BAAT: variants seen among roughly 807,000 people sequenced by gnomAD.
BAAT encodes bile acid CoA: amino acid N-acyltransferase (glycine N-choloyltransferase).
In BAAT, 13 loss-of-function variants were observed where a neutral mutation model predicts 18.9. That is an observed-to-expected ratio of 0.69 (90% CI 0.45 to 1.10). The LOEUF (loss-of-function observed/expected upper bound fraction) is 1.10, where lower values mean the gene tolerates loss of function less well. Among genes scored for constraint, BAAT ranks in the 50% least tolerant of loss-of-function variants. The pLI is 0.00. For synonymous variants in BAAT, 170 were observed against 190.7 expected (o/e 0.89, Z 0.89); for missense variants, 489 against 504.0 (o/e 0.97, Z 0.28).
At chr9:101,372,347 T>C (rs1042579401) in intron 1 of BAAT, among the ~76,000 whole-genome samples, 3 of 151,026 alleles carry the variant, frequency 2.0e-5, no homozygotes, top group Non-Finnish European at 2.9e-5. Context: ...AATAAAATCT[T>C]TGGAAAGAAC....
Position 101,371,114 on chromosome 9 carries a change from C to T in BAAT, c.291G>A (p.Met97Ile). The change falls in exon 2 of 4, where the codon ATG becomes ATA. Residue 97 changes from methionine to isoleucine, a missense_variant. Transcript: ENST00000259407. The part of the protein sequence containing the change: ...LLTRLLKRDV[M>I]NRPFQVQVKL... Reference sequence around the variant, plus strand: ...TTACTTGGACCTGGAAAGGCCTATTCATCACATCTCTTTTCAACAGTCTTG... The same window carrying T: ...TTACTTGGACCTGGAAAGGCCTATTTATCACATCTCTTTTCAACAGTCTTG... The T allele has an allele frequency of 6.2e-7, 1 of 1,614,086 alleles. No individual in the cohort carries two copies. The highest frequency in any genetic ancestry group is 8.5e-7 in the Non-Finnish European group (1 of 1,179,996).
chr9:101,378,242 T>A (rs1391547335), intron 1 of BAAT, among the ~76,000 whole-genome samples: 1 of 152,190 alleles, frequency 6.6e-6, no homozygotes, highest in Non-Finnish European at 1.5e-5. Context: ...AAATTTCATA[T>A]GGAACCAAAA....
intron 2 of BAAT, among the ~76,000 whole-genome samples, chr9:101,368,995 G>A (rs991293752): frequency 6.6e-6 from 1 of 152,102 alleles, no homozygotes; most frequent in Non-Finnish European, 1.5e-5. Flanking sequence ...TGTAAATGAT[G>A]AGCCCCTTTA....
At chr9:101,369,714 T>C (rs912774134) in intron 2 of BAAT, among the ~76,000 whole-genome samples, 13 of 152,218 alleles carry the variant, frequency 8.5e-5, no homozygotes, top group African/African-American at 2.9e-4. Context: ...TGCTATTTAC[T>C]GGGTATTTTA....
intron 1 of BAAT, chr9:101,383,601 G>T (rs1830162832): frequency 6.6e-6 from 1 of 152,106 alleles, no homozygotes. Context: ...TTAAGTGCTA[G>T]GTCACCACAT....
chr9:101,383,235 C>T (rs555156045), intron 1 of BAAT, among the ~76,000 whole-genome samples: 3 of 152,288 alleles, frequency 2.0e-5, no homozygotes, highest in Non-Finnish European at 4.4e-5. Flanking sequence ...ATCATAATAG[C>T]AAGTCCCTAC....
chr9:101,364,762 A>C (rs572535457), intron 3 of BAAT, among the ~76,000 whole-genome samples: 1 of 152,320 alleles, frequency 6.6e-6, no homozygotes, highest in South Asian at 2.1e-4. Flanking sequence ...TTTTTTCCTA[A>C]CTAAGGAGGA....
intron 2 of BAAT, among the ~76,000 whole-genome samples, chr9:101,369,756 G>A (rs1829896636): frequency 6.6e-6 from 1 of 152,116 alleles, no homozygotes; most frequent in Non-Finnish European, 1.5e-5. Flanking sequence ...AAGTACATGG[G>A]TTATGGTGAA....
At chr9:101,366,640 C>G (rs1455018781) in intron 3 of BAAT, among the ~76,000 whole-genome samples, 2 of 152,124 alleles carry the variant, frequency 1.3e-5, no homozygotes, top group Non-Finnish European at 2.9e-5. Flanking sequence ...CTCCACTTCT[C>G]ATCTAAGCCA....
chr9:101,365,632 G>T (rs1368643686), intron 3 of BAAT, among the ~76,000 whole-genome samples: 1 of 152,060 alleles, frequency 6.6e-6, no homozygotes, highest in African/African-American at 2.4e-5. Context: ...CGCCTCTCAG[G>T]TTCAAGCAAT....
intron 1 of BAAT, among the ~76,000 whole-genome samples, chr9:101,377,102 T>C (rs1830060871): frequency 6.6e-6 from 1 of 152,224 alleles, no homozygotes; most frequent in Admixed American, 6.5e-5. Context: ...GATAATACTC[T>C]AATACAAAGC....
At chr9:101,370,005 G>C (rs1272534631) in intron 2 of BAAT, among the ~76,000 whole-genome samples, 2 of 152,122 alleles carry the variant, frequency 1.3e-5, no homozygotes, top group Non-Finnish European at 2.9e-5. Context: ...TATGAAGCTA[G>C]AGGTTACAAA....
chr9:101,364,800 A>C (rs1473472338), intron 3 of BAAT, among the ~76,000 whole-genome samples: 1 of 152,224 alleles, frequency 6.6e-6, no homozygotes, highest in African/African-American at 2.4e-5. Flanking sequence ...AAGGATGGGC[A>C]TAAGATAAGA....
chr9:101,365,016 G>A (rs1057111518), intron 3 of BAAT, among the ~76,000 whole-genome samples: 1 of 152,136 alleles, frequency 6.6e-6, no homozygotes, highest in Admixed American at 6.5e-5. Context: ...CTGAACTAAG[G>A]TAACAGCAGT....
intron 3 of BAAT, among the ~76,000 whole-genome samples, chr9:101,366,945 C>T (rs999258017): frequency 6.6e-6 from 1 of 151,476 alleles, no homozygotes; most frequent in Admixed American, 6.6e-5. Flanking sequence ...AACCCCGTCT[C>T]TACTAAAAAT....
At chr9:101,369,568 C>T (rs1829892234) in intron 2 of BAAT, among the ~76,000 whole-genome samples, 1 of 152,168 alleles carries the variant, frequency 6.6e-6, no homozygotes, top group Admixed American at 6.5e-5. Flanking sequence ...ACAAACAGCA[C>T]ACCCTAAACC....
intron 3 of BAAT, among the ~76,000 whole-genome samples, chr9:101,367,108 C>CAAAAAAAAAAA: frequency 2.5e-5 from 1 of 39,330 alleles, no homozygotes; most frequent in African/African-American, 1.0e-4. Flanking sequence ...GAGACTCTGT[C>CAAAAAAAAAAA]AAAAAAAGAA....
intron 1 of BAAT, among the ~76,000 whole-genome samples, chr9:101,381,745 G>C (rs1032167974): frequency 1.3e-5 from 2 of 152,150 alleles, no homozygotes; most frequent in Non-Finnish European, 2.9e-5. Flanking sequence ...TGACAAGAAT[G>C]AGCCTACAGA....
chr9:101,364,498 C>T (rs1829793274), intron 3 of BAAT, among the ~76,000 whole-genome samples: 1 of 152,090 alleles, frequency 6.6e-6, no homozygotes, highest in African/African-American at 2.4e-5. Context: ...AATAAGATAC[C>T]TTATGCTGAT....
Sources: allele counts gnomAD v4.1 joint callset (sites outside exome capture counted in the v4.1 genomes callset), GRCh38; gene constraint gnomAD v4.1.1; transcripts MANE v1.5; gene names NCBI Gene and HGNC (gene_info 2026-07-23, HGNC 2026-07-21).